The following PKHD1 variants were observed in gnomAD, a reference collection of about 807,000 sequenced individuals.
The protein encoded by PKHD1 is fibrocystin.
A neutral mutation model predicts 412.0 loss-of-function variants in PKHD1; 291 were observed. The ratio of observed to expected loss-of-function variants is 0.71; its 90% CI spans 0.64 to 0.78. The LOEUF (loss-of-function observed/expected upper bound fraction) is 0.78, where lower values mean the gene tolerates loss of function less well. PKHD1 is among the 30% of genes least tolerant of loss of function. The pLI, the probability that PKHD1 is intolerant of heterozygous loss-of-function variation, is 0.00. For missense variants in PKHD1, 4,825 were observed against 4,950.7 expected (o/e 0.97, Z 0.76); for synonymous variants, 1,777 against 1,821.5 (o/e 0.98, Z 0.62).
At chr6:51,846,433 A>G (rs1397543536) in intron 50 of PKHD1, among the ~76,000 whole-genome samples, 5 of 152,192 alleles carry the variant, frequency 3.3e-5, no homozygotes, top group Admixed American at 2.6e-4. Flanking sequence ...ACCAGGATCT[A>G]CTAAGAGCAA....
chr6:52,017,806 T>C (rs1433405257), intron 33 of PKHD1, among the ~76,000 whole-genome samples, 177 bp from the exon 34 acceptor site: 2 of 152,212 alleles, frequency 1.3e-5, no homozygotes, highest in Non-Finnish European at 2.9e-5. Context: ...ACAAGTATCA[T>C]TTTTGTAAAA....
intron 61 of PKHD1, among the ~76,000 whole-genome samples, chr6:51,651,538 G>A (rs1268290306): frequency 6.6e-6 from 1 of 152,058 alleles, no homozygotes; most frequent in Non-Finnish European, 1.5e-5. Context: ...AAAAGCAAAG[G>A]AAAAGGGCAC....
chr6:51,649,418 A>G (rs545638165), intron 61 of PKHD1, among the ~76,000 whole-genome samples, 198 bp from the exon 62 acceptor site: 55 of 152,274 alleles, frequency 3.6e-4, no homozygotes, highest in African/African-American at 1.3e-3. Context: ...CTTAGCTATA[A>G]TGAAAATGGA....
chr6:51,981,289 T>C (rs1795110621), intron 35 of PKHD1, among the ~76,000 whole-genome samples: 2 of 128,406 alleles, frequency 1.6e-5, no homozygotes, highest in African/African-American at 2.9e-5. Context: ...AGAGCCCTTT[T>C]AGAGAGGCTC....
intron 35 of PKHD1, among the ~76,000 whole-genome samples, chr6:51,997,463 AAATG>A (rs1797842954): frequency 1.3e-5 from 2 of 152,256 alleles, no homozygotes; most frequent in Non-Finnish European, 2.9e-5. Flanking sequence ...TAAAGAGAAA[AAATG>A]AAAGAGCATA....
At chr6:51,973,512 G>T (rs1793961278) in intron 35 of PKHD1, among the ~76,000 whole-genome samples, 1 of 152,058 alleles carries the variant, frequency 6.6e-6, no homozygotes, top group Non-Finnish European at 1.5e-5. Context: ...CAATCCACAG[G>T]CACAGTTTTT....
chr6:52,026,343 A>G (rs145566718), intron 31 of PKHD1, among the ~76,000 whole-genome samples, 162 bp from the exon 32 acceptor site: 1 of 152,336 alleles, frequency 6.6e-6, no homozygotes, highest in African/African-American at 2.4e-5. Context: ...ATTTGTGATT[A>G]TTTAGACAGG....
chr6:51,906,161 A>C (rs1028653248), intron 41 of PKHD1, 54 bp downstream of exon 41: 1 of 1,520,376 alleles, frequency 6.6e-7, no homozygotes, highest in East Asian at 2.3e-5. Context: ...ATTCATTGTG[A>C]AAAACTGTGT....
intron 52 of PKHD1, among the ~76,000 whole-genome samples, chr6:51,809,495 C>G (rs1266988442): frequency 6.6e-6 from 1 of 151,992 alleles, no homozygotes; most frequent in East Asian, 1.9e-4. Context: ...AAAATCCTTG[C>G]CAGTTGTATA....
At chr6:51,982,726 T>A (rs1795629887) in intron 35 of PKHD1, among the ~76,000 whole-genome samples, 1 of 144,016 alleles carries the variant, frequency 6.9e-6, no homozygotes, top group African/African-American at 2.6e-5. Context: ...GTTCACTTGT[T>A]TATCTGCTGA....
chr6:51,673,455 T>C (rs1775325998), intron 60 of PKHD1, among the ~76,000 whole-genome samples: 1 of 152,244 alleles, frequency 6.6e-6, no homozygotes, highest in African/African-American at 2.4e-5. Flanking sequence ...ATTGAAGTTA[T>C]GGTGGCCGAC....
intron 36 of PKHD1, among the ~76,000 whole-genome samples, chr6:51,941,258 T>C (rs1788487149): frequency 1.5e-5 from 2 of 130,630 alleles, no homozygotes; most frequent in Non-Finnish European, 3.3e-5. Flanking sequence ...TTTTTTTTTT[T>C]TTTTTTTTGA....
chr6:52,056,784 T>C lies in PKHD1; in HGVS notation c.1607A>G (p.Gln536Arg). The C allele has an allele frequency of 6.2e-7, 1 of 1,612,126 alleles. No homozygotes were observed. Among genetic ancestry groups the C allele is most frequent in the East Asian group, 2.2e-5 (1 of 44,876 alleles). Residue 536 changes from glutamine to arginine, a missense_variant, in exon 18 of 67, where the codon CAA becomes CGA. Physicochemically the swap from Gln to Arg is conservative, Grantham distance 43 (BLOSUM62 1). Coordinates refer to ENST00000371117, the MANE Select transcript of PKHD1 (RefSeq NM_138694.4). ...TGCAAGTAACTCCTCAATGGTTGTT[T>C]GAATCTATTACAAAGGAAAAAAATG... ...IPANATAHLIQTTIEELLAVK... is the reference protein window; with the variant it reads ...IPANATAHLIRTTIEELLAVK...
At chr6:51,811,585 G>A (rs191515738) in intron 52 of PKHD1, among the ~76,000 whole-genome samples, 1 of 152,160 alleles carries the variant, frequency 6.6e-6, no homozygotes, top group East Asian at 1.9e-4. Flanking sequence ...AAACTATTGG[G>A]TCCAAATATT....
At chr6:51,632,254 A>C (rs1296249660) in intron 65 of PKHD1, among the ~76,000 whole-genome samples, 1 of 152,042 alleles carries the variant, frequency 6.6e-6, no homozygotes, top group Non-Finnish European at 1.5e-5. Context: ...AGTGAGTTAC[A>C]ATATTTTTCA....
At chr6:51,808,890 G>A (rs1248177549) in intron 52 of PKHD1, among the ~76,000 whole-genome samples, 1 of 152,052 alleles carries the variant, frequency 6.6e-6, no homozygotes, top group African/African-American at 2.4e-5. Flanking sequence ...CCATTACCTT[G>A]CATAGATTAC....
intron 43 of PKHD1, 26 bp downstream of exon 43, chr6:51,903,571 C>T (rs767817459): frequency 6.2e-7 from 1 of 1,604,184 alleles, no homozygotes; most frequent in Admixed American, 1.7e-5. Flanking sequence ...CAGTTCTGGT[C>T]TTCCTGGTAG....
intron 39 of PKHD1, among the ~76,000 whole-genome samples, chr6:51,910,957 T>G (rs1259430480): frequency 6.6e-6 from 1 of 152,116 alleles, no homozygotes; most frequent in African/African-American, 2.4e-5. Context: ...CCCTTTGACC[T>G]TTCTTCCAGG....
intron 47 of PKHD1, among the ~76,000 whole-genome samples, chr6:51,869,363 C>T (rs1364089077): frequency 6.6e-6 from 1 of 152,132 alleles, no homozygotes; most frequent in Non-Finnish European, 1.5e-5. Context: ...GACCCCCTTC[C>T]TCGGCCCCTT....
Sources: allele counts gnomAD v4.1 joint callset (sites outside exome capture counted in the v4.1 genomes callset), GRCh38; gene constraint gnomAD v4.1.1; transcripts MANE v1.5; gene names NCBI Gene and HGNC (gene_info 2026-07-23, HGNC 2026-07-21).